Variants in TRIM49 observed in about 807,000 individuals in gnomAD.
TRIM49 encodes tripartite motif containing 49.
TRIM49 carries 5 observed loss-of-function variants against 27.4 expected under a neutral mutation model. The ratio of observed to expected loss-of-function variants is 0.18; its 90% CI spans 0.10 to 0.38. The LOEUF (loss-of-function observed/expected upper bound fraction) is 0.38, where lower values mean the gene tolerates loss of function less well. TRIM49 is among the 10% of genes least tolerant of loss of function. The pLI is 1.00. For synonymous variants in TRIM49, 69 were observed against 166.0 expected, an observed-to-expected ratio of 0.42 and a Z score of 4.49; for missense variants, 188 against 487.5, an observed-to-expected ratio of 0.39 and a Z score of 5.79.
the TRIM49 span, among the ~76,000 whole-genome samples, chr11:89,784,180 T>G: frequency 9.0e-6 from 1 of 111,136 alleles, no homozygotes; most frequent in East Asian, 2.8e-4. Context: ...CCCAAGAGAT[T>G]TGTTCAATGA....
At chr11:89,774,436 T>A in the TRIM49 span, among the ~76,000 whole-genome samples, 2 of 150,344 alleles carry the variant, frequency 1.3e-5, no homozygotes, top group Non-Finnish European at 2.9e-5. Flanking sequence ...AATTTATCCC[T>A]TTCTATGCAA....
the TRIM49 span, among the ~76,000 whole-genome samples, chr11:89,769,547 G>C: frequency 7.5e-6 from 1 of 133,380 alleles, no homozygotes; most frequent in Non-Finnish European, 1.5e-5. Context: ...AGTTCTTCGA[G>C]AACCACCTTG....
the TRIM49 span, among the ~76,000 whole-genome samples, chr11:89,774,296 G>A: frequency 2.0e-5 from 3 of 151,078 alleles, 1 homozygote; most frequent in African/African-American, 4.9e-5. Flanking sequence ...CACCTTCCTT[G>A]CCCAGCTACT....
chr11:89,792,515 G>A, the TRIM49 span, among the ~76,000 whole-genome samples: 3 of 151,968 alleles, frequency 2.0e-5, no homozygotes, highest in East Asian at 5.8e-4. Context: ...CTCAGCAAAT[G>A]TAAAAGAACA....
downstream of TRIM49, among the ~76,000 whole-genome samples, chr11:89,794,395 T>G (rs1483173697): frequency 6.9e-6 from 1 of 145,840 alleles, no homozygotes; most frequent in Non-Finnish European, 1.5e-5. Context: ...TACTTTAAAG[T>G]TCATGTGGAA....
the TRIM49 span, among the ~76,000 whole-genome samples, chr11:89,770,642 G>A: frequency 0.1 from 14,205 of 140,390 alleles, 2,461 homozygotes; most frequent in African/African-American, 0.25. Context: ...GGCGGATCAC[G>A]ACGTCAGGAG....
chr11:89,791,286 T>C, the TRIM49 span, among the ~76,000 whole-genome samples: 13 of 152,098 alleles, frequency 8.5e-5, no homozygotes, highest in Admixed American at 7.2e-4. Flanking sequence ...ATGAAAGTGA[T>C]GGGGAGTATG....
the TRIM49 span, among the ~76,000 whole-genome samples, chr11:89,785,097 G>A: frequency 3.4e-5 from 5 of 147,940 alleles, no homozygotes; most frequent in South Asian, 1.0e-3. Flanking sequence ...CAATAGCCTG[G>A]TTACAGATTT....
chr11:89,801,269 C>T (rs1313536243), intron 5 of TRIM49, among the ~76,000 whole-genome samples: 1 of 145,710 alleles, frequency 6.9e-6, no homozygotes, highest in Non-Finnish European at 1.5e-5. Flanking sequence ...GAAAAACCTA[C>T]TCAGTCATCT....
chr11:89,794,641 G>C (rs1043369974), downstream of TRIM49, among the ~76,000 whole-genome samples: 6 of 146,778 alleles, frequency 4.1e-5, no homozygotes, highest in Non-Finnish European at 7.5e-5. Context: ...ATGGGGAAAG[G>C]ATTCCCTATT....
chr11:89,769,179 AAAAC>A, the TRIM49 span, among the ~76,000 whole-genome samples: 3 of 129,606 alleles, frequency 2.3e-5, 1 homozygote, highest in Non-Finnish European at 4.6e-5. Flanking sequence ...ACTCTGTCTC[AAAAC>A]AAACAAACAA....
the TRIM49 span, among the ~76,000 whole-genome samples, chr11:89,792,588 A>T: frequency 1.3e-5 from 2 of 152,156 alleles, no homozygotes; most frequent in African/African-American, 2.4e-5. Flanking sequence ...GGATTAAGAA[A>T]CTCACTCAAA....
At chr11:89,784,015 C>A in the TRIM49 span, among the ~76,000 whole-genome samples, 539 of 139,510 alleles carry the variant, frequency 3.9e-3, 10 homozygotes, top group African/African-American at 0.016. Flanking sequence ...GTGTTTTTCA[C>A]AATGCATTTA....
Sources: gnomAD v4.1 joint callset for allele counts (sites outside exome capture counted in the v4.1 genomes callset) on GRCh38, gnomAD v4.1.1 for gene constraint, MANE v1.5 for transcripts, NCBI Gene and HGNC (gene_info 2026-07-23, HGNC 2026-07-21) for gene names.